VWC2L: variants seen among roughly 807,000 people sequenced by gnomAD.
The protein encoded by VWC2L is von Willebrand factor C domain containing 2 like.
VWC2L carries 10 observed loss-of-function variants against 21.6 expected under a neutral mutation model. The observed-to-expected ratio is 0.46, with a 90% confidence interval of 0.29 to 0.78. The LOEUF is 0.78. Ranked by LOEUF, VWC2L falls within the 30% of genes least tolerant of loss-of-function variation. VWC2L has a pLI of 0.10. For synonymous variants in VWC2L, 96 were observed against 94.3 expected (o/e 1.02, Z -0.10); for missense variants, 209 against 277.1 (o/e 0.75, Z 1.74).
At chr2:214,486,437 A>G (rs1456569826) in intron 3 of VWC2L, among the ~76,000 whole-genome samples, 1 of 152,228 alleles carries the variant, frequency 6.6e-6, no homozygotes, top group East Asian at 1.9e-4. Flanking sequence ...TTAATTATTC[A>G]TATGCACCTT....
rs1255620561 is a variant in VWC2L at position 214,548,410 on chromosome 2, C to T, written c.521-27262C>T. Among the ~76,000 whole-genome samples, 4 of 152,192 alleles carry T rather than the reference C, an allele frequency of 2.6e-5. No individual in the cohort carries two copies. The East Asian group carries it at 7.7e-4, about 29-fold the overall frequency. On this transcript the variant is annotated intron_variant, in intron 3 of 3. Coordinates refer to ENST00000312504, the MANE Select transcript of VWC2L (RefSeq NM_001080500.4). Reference sequence around the variant, plus strand: ...TGTACTTTTGATTTCTGAATATAAACAGTGCAAGCCAGGACTTACAATTCA... The same window carrying T: ...TGTACTTTTGATTTCTGAATATAAATAGTGCAAGCCAGGACTTACAATTCA...
rs1378326895 is a variant in VWC2L at position 214,414,415 on chromosome 2, T to C, written c.222T>C (p.Cys74=). ...GERFFPGHSN[C]PCVCALDGPV... ...GATTTTTCCCTGGGCATTCCAACTG[T>C]CCATGTGTCTGTGCTCTAGATGGAC... Residue 74 remains cysteine (C), a synonymous_variant, in exon 2 of 4, where the codon TGT becomes TGC. Coordinates refer to ENST00000312504, the MANE Select transcript of VWC2L (RefSeq NM_001080500.4). 1 of 1,613,638 alleles carries C rather than the reference T, an allele frequency of 6.2e-7. No homozygotes were observed. The highest frequency in any genetic ancestry group is 8.5e-7 in the Non-Finnish European group (1 of 1,179,702).
intron 3 of VWC2L, among the ~76,000 whole-genome samples, chr2:214,447,686 G>A (rs1179076937): frequency 6.6e-6 from 1 of 152,112 alleles, no homozygotes; most frequent in Non-Finnish European, 1.5e-5. Context: ...GATGAGCCTA[G>A]AAGGCCTCTA....
At chr2:214,449,173 T>C (rs1412896499) in intron 3 of VWC2L, among the ~76,000 whole-genome samples, 1 of 152,200 alleles carries the variant, frequency 6.6e-6, no homozygotes, top group African/African-American at 2.4e-5. Flanking sequence ...GCATTCATTA[T>C]GAAAATTGTA....
At chr2:214,426,085 T>C (rs1386765660) in intron 2 of VWC2L, among the ~76,000 whole-genome samples, 1 of 142,884 alleles carries the variant, frequency 7.0e-6, no homozygotes, top group Non-Finnish European at 1.5e-5. Context: ...GGCAGGAGAA[T>C]CACTTGAACC....
chr2:214,481,117 G>A (rs1185121917), intron 3 of VWC2L, among the ~76,000 whole-genome samples: 1 of 152,124 alleles, frequency 6.6e-6, no homozygotes, highest in Non-Finnish European at 1.5e-5. Context: ...TAACACCAAT[G>A]TCCTTCTCTG....
intron 3 of VWC2L, among the ~76,000 whole-genome samples, chr2:214,545,482 A>C (rs567338434): frequency 1.1e-3 from 175 of 152,338 alleles, no homozygotes; most frequent in African/African-American, 4.0e-3. Context: ...TAAGCAAGAC[A>C]GTCATTTTGT....
intron 3 of VWC2L, among the ~76,000 whole-genome samples, chr2:214,518,350 TTAGA>T (rs1689178420): frequency 6.6e-6 from 1 of 152,164 alleles, no homozygotes; most frequent in Non-Finnish European, 1.5e-5. Context: ...GAGGATTAAT[TTAGA>T]TAATTTATAT....
chr2:214,548,910 A>G (rs1203829996), intron 3 of VWC2L, among the ~76,000 whole-genome samples: 1 of 152,180 alleles, frequency 6.6e-6, no homozygotes, highest in Non-Finnish European at 1.5e-5. Context: ...TTCTGTAACA[A>G]CTTACCACAA....
At chr2:214,432,892 T>G (rs1702620198) in intron 2 of VWC2L, among the ~76,000 whole-genome samples, 2 of 151,924 alleles carry the variant, frequency 1.3e-5, no homozygotes, top group African/African-American at 2.4e-5. Context: ...CATGGTGGCA[T>G]GCACCTGTAA....
chr2:214,420,214 C>G (rs1702419134), intron 2 of VWC2L, among the ~76,000 whole-genome samples: 1 of 152,120 alleles, frequency 6.6e-6, no homozygotes, highest in Admixed American at 6.5e-5. Flanking sequence ...TTAATAGGTG[C>G]CACATTGTTA....
chr2:214,427,766 C>T (rs985498946), intron 2 of VWC2L, among the ~76,000 whole-genome samples: 15 of 152,144 alleles, frequency 9.9e-5, no homozygotes, highest in Admixed American at 1.3e-4. Flanking sequence ...GCACATTCTC[C>T]CATACACTTT....
At chr2:214,457,891 A>G (rs1703080078) in intron 3 of VWC2L, among the ~76,000 whole-genome samples, 2 of 152,088 alleles carry the variant, frequency 1.3e-5, no homozygotes, top group African/African-American at 4.8e-5. Flanking sequence ...AGATTTTGGC[A>G]TCTATGTTCT....
chr2:214,576,108 T>C lies in VWC2L; in HGVS notation c.*288T>C, dbSNP rs1690225395. 1.0e-5 allele frequency: 2 copies of C among 194,418 alleles called. No individual in the cohort carries two copies. The highest frequency in any genetic ancestry group is 1.2e-4 in the East Asian group (1 of 8,308). 12.0% of individuals were successfully genotyped at this position (194,418 alleles called of 1,614,324 possible). A position where few individuals can be genotyped will look rare whatever the true frequency, so the allele number is the denominator to read the frequency against. On this transcript the variant is annotated 3_prime_UTR_variant, in exon 4 of 4. Transcript: ENST00000312504. The stretch of plus-strand genomic sequence containing the variant: ...TGGAACAAAAAGAAAGAAATAGCCT[T>C]GCACAGGCTCCTTCCCTGGTAATGC...
intron 3 of VWC2L, among the ~76,000 whole-genome samples, chr2:214,445,011 A>G (rs959242215): frequency 6.6e-6 from 1 of 151,978 alleles, no homozygotes; most frequent in Non-Finnish European, 1.5e-5. Flanking sequence ...TATGGGTAAC[A>G]TATAATTTCA....
chr2:214,547,446 G>A (rs1168174480), intron 3 of VWC2L, among the ~76,000 whole-genome samples: 2 of 152,290 alleles, frequency 1.3e-5, no homozygotes, highest in South Asian at 4.2e-4. Flanking sequence ...AGGGCTGAAA[G>A]GGTAGAAGAT....
intron 3 of VWC2L, among the ~76,000 whole-genome samples, chr2:214,526,586 C>A (rs1370003280): frequency 6.6e-6 from 1 of 152,194 alleles, no homozygotes; most frequent in African/African-American, 2.4e-5. Context: ...TGACTTGCCT[C>A]ATTATCGTAA....
intron 2 of VWC2L, among the ~76,000 whole-genome samples, chr2:214,415,856 T>G (rs961959387): frequency 5.3e-5 from 8 of 152,132 alleles, no homozygotes; most frequent in Non-Finnish European, 1.2e-4. Context: ...GTGTATTATT[T>G]TATTGCACAA....
intron 3 of VWC2L, among the ~76,000 whole-genome samples, chr2:214,521,799 G>A (rs541721094): frequency 6.6e-6 from 1 of 152,330 alleles, no homozygotes; most frequent in South Asian, 2.1e-4. Context: ...GCTTTGGCTT[G>A]TCAGCACATC....
Sources: gnomAD v4.1 joint callset for allele counts (sites outside exome capture counted in the v4.1 genomes callset) on GRCh38, gnomAD v4.1.1 for gene constraint, MANE v1.5 for transcripts, NCBI Gene and HGNC (gene_info 2026-07-23, HGNC 2026-07-21) for gene names.